The following KLRF1 variants were observed in gnomAD, a reference collection of about 807,000 sequenced individuals.
KLRF1 encodes killer cell lectin like receptor F1.
Under a neutral mutation model 30.7 loss-of-function variants are expected in KLRF1, and 27 were observed. That is an observed-to-expected ratio of 0.88 (90% CI 0.65 to 1.21). The LOEUF (loss-of-function observed/expected upper bound fraction) is 1.21. Ranked by LOEUF, KLRF1 falls within the 50% of genes most tolerant of loss-of-function variation. The probability of loss-of-function intolerance (pLI) is 0.00; values close to 1 mark genes in which losing one functional copy is unlikely to be tolerated. For missense variants in KLRF1, 246 were observed against 259.3 expected (o/e 0.95, Z 0.35); for synonymous variants, 92 against 89.3 (o/e 1.03, Z -0.17).
At chr12:9,831,211 CAATATT>C (rs1278136996) in intron 1 of KLRF1, among the ~76,000 whole-genome samples, 1 of 151,734 alleles carries the variant, frequency 6.6e-6, no homozygotes, top group African/African-American at 2.4e-5. Flanking sequence ...TATTGCTTAT[CAATATT>C]AATATATCAA....
upstream of KLRF1, chr12:9,827,463 A>G (rs1867305676): frequency 1.4e-6 from 1 of 703,656 alleles, no homozygotes; most frequent in Admixed American, 2.7e-5. Context: ...TTAGCAGCAG[A>G]TTTATTATTC....
At chr12:9,836,203 T>C (rs186528589) in intron 3 of KLRF1, among the ~76,000 whole-genome samples, 4 of 152,212 alleles carry the variant, frequency 2.6e-5, no homozygotes, top group African/African-American at 9.6e-5. Flanking sequence ...CTATTAGGTC[T>C]GTTTGTCCTT....
chr12:9,828,517 C>T (rs990946167), intron 1 of KLRF1, among the ~76,000 whole-genome samples: 5 of 152,180 alleles, frequency 3.3e-5, no homozygotes, highest in Non-Finnish European at 5.9e-5. Flanking sequence ...AATGCAATTC[C>T]ATCATGCCAC....
chr12:9,808,389 T>C, the KLRF1 span, among the ~76,000 whole-genome samples: 5 of 152,180 alleles, frequency 3.3e-5, no homozygotes, highest in African/African-American at 7.2e-5. Context: ...TGATTTTTTT[T>C]TCAGAATAAC....
chr12:9,823,648 C>T (rs144904373), upstream of KLRF1, among the ~76,000 whole-genome samples: 1 of 150,888 alleles, frequency 6.6e-6, no homozygotes, highest in African/African-American at 2.4e-5. Context: ...CAGAGCTGAA[C>T]GGAAAGAGAT....
upstream of KLRF1, among the ~76,000 whole-genome samples, chr12:9,826,997 C>T (rs978624392): frequency 1.3e-5 from 2 of 151,914 alleles, no homozygotes; most frequent in African/African-American, 2.4e-5. Context: ...ATATAACAAA[C>T]CTACACATGT....
chr12:9,824,187 G>A (rs772828166), upstream of KLRF1, among the ~76,000 whole-genome samples: 11 of 152,044 alleles, frequency 7.2e-5, no homozygotes, highest in Admixed American at 4.6e-4. Context: ...ACTCGAGGCC[G>A]GCATCCTTGA....
chr12:9,825,260 TAA>T (rs35934573), upstream of KLRF1, among the ~76,000 whole-genome samples: 4 of 138,078 alleles, frequency 2.9e-5, no homozygotes, highest in Admixed American at 7.2e-5. Context: ...AAGGTACTGG[TAA>T]AAAAAAAAAA....
the KLRF1 span, among the ~76,000 whole-genome samples, chr12:9,820,821 AAGGGCCT>A: frequency 4.6e-5 from 7 of 152,116 alleles, no homozygotes; most frequent in African/African-American, 1.7e-4. Context: ...GGAAAGAACA[AAGGGCCT>A]AGTGACCACA....
chr12:9,830,438 G>A lies in KLRF1; in HGVS notation c.86-1878G>A, dbSNP rs547834070. The stretch of plus-strand genomic sequence containing the variant: ...TCATTGAATTATATATTACCTCTTC[G>A]TATTAAAAAGTAGTGGAGATTTGAG... On this transcript the variant is annotated intron_variant, in intron 1 of 5. Coordinates refer to ENST00000617889, the MANE Select transcript of KLRF1 (RefSeq NM_016523.3). 1.6e-4 allele frequency among the ~76,000 whole-genome samples: 25 copies of A among 151,690 alleles called. 1 individual carries two copies. In the South Asian group the frequency reaches 1.9e-3, roughly 11 times the overall value.
chr12:9,822,337 G>A, the KLRF1 span, among the ~76,000 whole-genome samples: 1 of 152,190 alleles, frequency 6.6e-6, no homozygotes, highest in Non-Finnish European at 1.5e-5. Flanking sequence ...TGATCTGCTA[G>A]AGCTGGAAAA....
At chr12:9,814,279 C>T in the KLRF1 span, among the ~76,000 whole-genome samples, 103 of 152,328 alleles carry the variant, frequency 6.8e-4, no homozygotes, top group African/African-American at 2.3e-3. Flanking sequence ...GCCACCCCGA[C>T]TCCCAATAGC....
the KLRF1 span, chr12:9,817,806 C>T: frequency 6.2e-5 from 12 of 193,260 alleles, no homozygotes; most frequent in Admixed American, 2.5e-4. Context: ...CCTCAGTTGG[C>T]AGCTTCCTCT....
At chr12:9,817,594 C>G in the KLRF1 span, 2 of 303,248 alleles carry the variant, frequency 6.6e-6, no homozygotes, top group Non-Finnish European at 1.3e-5. Context: ...TTGGCCACAC[C>G]GGGTTTCTTC....
At chr12:9,822,723 A>C (rs764891036), upstream of KLRF1, among the ~76,000 whole-genome samples, 51 of 152,288 alleles carry the variant, frequency 3.3e-4, 1 homozygote, top group African/African-American at 1.2e-3. Context: ...CTTCAGTAGA[A>C]CCATCTCACA....
chr12:9,821,606 C>T, the KLRF1 span, among the ~76,000 whole-genome samples: 1 of 152,154 alleles, frequency 6.6e-6, no homozygotes, highest in Non-Finnish European at 1.5e-5. Context: ...AAATAAAAGA[C>T]CTTCAGCCAC....
chr12:9,821,976 C>G, the KLRF1 span, among the ~76,000 whole-genome samples: 1 of 152,232 alleles, frequency 6.6e-6, no homozygotes, highest in Non-Finnish European at 1.5e-5. Flanking sequence ...CTGCACAAAG[C>G]CTCAACCCTG....
chr12:9,814,739 C>A, the KLRF1 span, among the ~76,000 whole-genome samples: 1 of 152,232 alleles, frequency 6.6e-6, no homozygotes, highest in Non-Finnish European at 1.5e-5. Flanking sequence ...CATCTGCACT[C>A]CTTTGGGGGC....
At chr12:9,808,009 G>T in the KLRF1 span, among the ~76,000 whole-genome samples, 113 of 152,194 alleles carry the variant, frequency 7.4e-4, no homozygotes, top group Non-Finnish European at 1.4e-3. Context: ...TTAGGAACTG[G>T]ATTGTATTTA....
Sources: gnomAD v4.1 joint callset for allele counts (sites outside exome capture counted in the v4.1 genomes callset) on GRCh38, gnomAD v4.1.1 for gene constraint, MANE v1.5 for transcripts, NCBI Gene and HGNC (gene_info 2026-07-23, HGNC 2026-07-21) for gene names.